NSUN4: variants seen among roughly 807,000 people sequenced by gnomAD.
NSUN4 encodes the protein NOP2/Sun RNA methyltransferase 4.
Under a neutral mutation model 43.8 loss-of-function variants are expected in NSUN4, and 31 were observed. The ratio of observed to expected loss-of-function variants is 0.71; its 90% confidence interval spans 0.53 to 0.96. NSUN4 has a LOEUF of 0.96. NSUN4 is among the 40% of genes least tolerant of loss of function. The pLI, the probability that NSUN4 is intolerant of heterozygous loss-of-function variation, is 0.00. For synonymous variants in NSUN4, 167 were observed against 184.1 expected (o/e 0.91, Z 0.75); for missense variants, 439 against 475.6 (o/e 0.92, Z 0.72).
chr1:46,367,060 G>A (rs1326247377), downstream of NSUN4, among the ~76,000 whole-genome samples: 3 of 152,166 alleles, frequency 2.0e-5, no homozygotes, highest in Admixed American at 6.6e-5. Context: ...AGGGGCTTTG[G>A]TACTTCCTAA....
intron 1 of NSUN4, 198 bp downstream of exon 1, chr1:46,341,117 T>G: frequency 7.8e-7 from 1 of 1,277,248 alleles, no homozygotes; most frequent in East Asian, 2.9e-5. Context: ...CTTCCACTTG[T>G]TACGTCTGCA....
chr1:46,345,289 G>A, intron 2 of NSUN4, 145 bp downstream of exon 2: 1 of 620,082 alleles, frequency 1.6e-6, no homozygotes, highest in East Asian at 2.7e-5. Flanking sequence ...TTTTTTTGAG[G>A]TGCTGTACAT....
the NSUN4 span, among the ~76,000 whole-genome samples, chr1:46,381,589 C>T: frequency 6.6e-6 from 1 of 152,198 alleles, no homozygotes; most frequent in South Asian, 2.1e-4. Context: ...CTTGGCCCTA[C>T]TCACAACAGG....
chr1:46,362,018 A>C lies in NSUN4; in HGVS notation c.*172A>C. ...TAGAAGATTTGCTGTCCTGCTGTCCAATTGTGGAGCATCAGCAGGTTTCCA... is the reference window on the plus strand; with the variant it reads ...TAGAAGATTTGCTGTCCTGCTGTCCCATTGTGGAGCATCAGCAGGTTTCCA... On this transcript the variant is annotated 3_prime_UTR_variant, in exon 6 of 6. Coordinates refer to ENST00000474844, the MANE Select transcript of NSUN4 (RefSeq NM_199044.4). The C allele has an allele frequency of 1.6e-6, 1 of 643,840 alleles. No individual in the cohort carries two copies. Among genetic ancestry groups the C allele is most frequent in the Non-Finnish European group, 2.7e-6 (1 of 376,268 alleles). The allele number at this position is 643,840 out of a possible 1,614,324, so 39.9% of individuals were successfully genotyped here. A position where few individuals can be genotyped will look rare whatever the true frequency, so the allele number is the denominator to read the frequency against.
the NSUN4 span, among the ~76,000 whole-genome samples, chr1:46,378,747 C>G: frequency 6.6e-6 from 1 of 152,214 alleles, no homozygotes; most frequent in Non-Finnish European, 1.5e-5. Context: ...GTTGGCTTGG[C>G]AAGACTCACT....
Position 46,345,084 on chromosome 1 carries a change from G to T in NSUN4, c.377G>T (p.Ser126Ile), listed in dbSNP as rs751412305. Residue 126 changes from serine to isoleucine, a missense_variant, in exon 2 of 6, where the codon AGT becomes ATT. Coordinates refer to ENST00000474844, the MANE Select transcript of NSUN4 (RefSeq NM_199044.4). ...CCATCCCCTGCCTCCTGGGCCTGCA[G>T]TCCGAACCTTCGATGCTTCACTTTT... is the stretch of plus-strand genomic sequence containing the variant. ...AAPSPASWAC[S>I]PNLRCFTFDR... The T allele has an allele frequency of 9.9e-6, 16 of 1,614,104 alleles. No individual in the cohort carries two copies. In the East Asian group the frequency reaches 3.6e-4, roughly 36 times the overall value.
the NSUN4 span, among the ~76,000 whole-genome samples, chr1:46,376,712 A>ATGTGTG: frequency 1.5e-4 from 22 of 148,392 alleles, no homozygotes; most frequent in African/African-American, 4.7e-4. Context: ...TTTAGAGAGC[A>ATGTGTG]TGTGTGTGTG....
At chr1:46,349,228 C>T (rs1569746407) in intron 3 of NSUN4, among the ~76,000 whole-genome samples, 1 of 151,666 alleles carries the variant, frequency 6.6e-6, no homozygotes, top group East Asian at 1.9e-4. Context: ...CAAACTCCGC[C>T]TCCCGGGTTC....
downstream of NSUN4, among the ~76,000 whole-genome samples, chr1:46,365,935 C>G (rs1006901711): frequency 9.2e-5 from 14 of 152,028 alleles, no homozygotes; most frequent in Non-Finnish European, 1.5e-5. Flanking sequence ...CAAGACCAGC[C>G]TGGCTAACAT....
Position 46,340,901 on chromosome 1 carries a change from TC to T in NSUN4, c.76del (p.Arg26AspfsTer25), listed in dbSNP as rs1662045570. 1.2e-6 allele frequency: 2 copies of T among 1,612,794 alleles called. No individual in the cohort carries two copies. Among genetic ancestry groups the T allele is most frequent in the Non-Finnish European group, 1.7e-6 (2 of 1,179,534 alleles). On this transcript the variant is annotated frameshift_variant, in exon 1 of 6. Coordinates refer to ENST00000474844, the MANE Select transcript of NSUN4 (RefSeq NM_199044.4). LOFTEE classifies it high-confidence loss of function. ...ACCTCGCGACGGTCCCGCGGAGACA[TC>T]GATATAAGAAGAAATGGGTAAGGTC... Reference protein sequence around the residue: ...VDLATVPRRHRYKKKWAATEP... With the variant: ...VDLATVPRRHXYKKKWAATEP...
rs1428797089 is a variant in NSUN4 at position 46,347,088 on chromosome 1, G to C, written c.592+13G>C. 1 of 1,612,390 alleles carries C rather than the reference G, an allele frequency of 6.2e-7. No individual in the cohort carries two copies. Among genetic ancestry groups the C allele is most frequent in the African/African-American group, 1.3e-5 (1 of 74,912 alleles). ...ACTGGCTGTTGCCGTAAGTCAGGGT[G>C]CTGGTGTGTTGGGCAGAGAGAGCTC... On this transcript the variant is annotated intron_variant, in intron 3 of 5. Transcript: ENST00000474844.
intron 1 of NSUN4, chr1:46,342,738 C>T (rs1468284967): frequency 2.0e-5 from 8 of 399,070 alleles, no homozygotes; most frequent in Non-Finnish European, 3.5e-5. Context: ...TCTTCCCACT[C>T]CAGTTTCCCC....
intron 3 of NSUN4, among the ~76,000 whole-genome samples, chr1:46,347,498 GTACT>G (rs1217057584): frequency 2.0e-5 from 3 of 152,188 alleles, no homozygotes; most frequent in Non-Finnish European, 4.4e-5. Context: ...GTGGAGGGTA[GTACT>G]TACTTTCTAA....
chr1:46,341,086 C>T, intron 1 of NSUN4, 167 bp downstream of exon 1: 2 of 1,188,156 alleles, frequency 1.7e-6, no homozygotes, highest in Non-Finnish European at 2.3e-6. Context: ...TGTCCGCACT[C>T]TATGTCCCGA....
intron 3 of NSUN4, among the ~76,000 whole-genome samples, chr1:46,350,098 G>A (rs1242251373): frequency 1.3e-5 from 2 of 152,228 alleles, no homozygotes; most frequent in African/African-American, 2.4e-5. Context: ...ATTGAGTTCT[G>A]TGGAGATTAA....
chr1:46,347,158 C>CCAGGCGCA, intron 3 of NSUN4, 83 bp downstream of exon 3: 5 of 1,428,730 alleles, frequency 3.5e-6, no homozygotes, highest in Non-Finnish European at 4.7e-6. Flanking sequence ...GTAGGTTCGG[C>CCAGGCGCA]CAGGCGCAGT....
intron 4 of NSUN4, among the ~76,000 whole-genome samples, chr1:46,358,137 C>T (rs1295345538): frequency 1.3e-5 from 2 of 152,016 alleles, no homozygotes; most frequent in Non-Finnish European, 2.9e-5. Context: ...GCTCTGTCAC[C>T]CAGGCTGGAG....
At chr1:46,356,595 G>A (rs974660048) in intron 4 of NSUN4, among the ~76,000 whole-genome samples, 5 of 152,122 alleles carry the variant, frequency 3.3e-5, no homozygotes, top group African/African-American at 1.2e-4. Context: ...GGGAGGCTGA[G>A]GCAGGAGAAT....
At chr1:46,341,928 A>G in intron 1 of NSUN4, 1 of 1,232,802 alleles carries the variant, frequency 8.1e-7, no homozygotes, top group Non-Finnish European at 1.0e-6. Context: ...AGCTTTTGGA[A>G]CCAGCCCGGC....
Sources: gnomAD v4.1 joint callset for allele counts (sites outside exome capture counted in the v4.1 genomes callset) on GRCh38, gnomAD v4.1.1 for gene constraint, MANE v1.5 for transcripts, NCBI Gene and HGNC (gene_info 2026-07-23, HGNC 2026-07-21) for gene names.